The following LYSMD1 variants were observed in gnomAD, a reference collection of about 807,000 sequenced individuals.
LYSMD1 encodes the protein LysM domain containing 1, also known as lysM and putative peptidoglycan-binding domain-containing protein 1.
A neutral mutation model predicts 19.3 loss-of-function variants in LYSMD1; 9 were observed. That is an observed-to-expected ratio of 0.47 (90% confidence interval 0.28 to 0.81). LYSMD1 has a LOEUF of 0.81. LYSMD1 is among the 40% of genes least tolerant of loss of function. The probability of loss-of-function intolerance (pLI) is 0.11; values close to 1 mark genes in which losing one functional copy is unlikely to be tolerated. For missense variants in LYSMD1, 262 were observed against 279.8 expected (o/e 0.94, Z 0.45); for synonymous variants, 111 against 111.7 (o/e 0.99, Z 0.04).
At position 151,161,022 on chromosome 1, in the gene LYSMD1, T is replaced by C; in HGVS notation, c.546-2A>G. The C allele has an allele frequency of 6.2e-7, 1 of 1,613,304 alleles. No homozygotes were observed. Among genetic ancestry groups the C allele is most frequent in the Non-Finnish European group, 8.5e-7 (1 of 1,179,440 alleles). On this transcript the variant is annotated splice_acceptor_variant, in intron 2 of 2. Coordinates refer to ENST00000368908, the MANE Select transcript of LYSMD1 (RefSeq NM_212551.5). LOFTEE classifies it high-confidence loss of function. ...AGACCTGCATCCTCCCCAGGTACCC[T>C]GCAATTGAGGAAAGGGGGGAAAGAG...
At chr1:151,158,428 G>A (rs587664272), downstream of LYSMD1, among the ~76,000 whole-genome samples, 37 of 151,834 alleles carry the variant, frequency 2.4e-4, no homozygotes, top group Admixed American at 1.2e-3. Context: ...CTAGCCTCCC[G>A]TGTGCCCACA....
intron 2 of LYSMD1, 95 bp from the exon 3 acceptor site, chr1:151,161,115 C>T (rs1490541161): frequency 1.4e-6 from 2 of 1,391,600 alleles, no homozygotes; most frequent in African/African-American, 1.4e-5. Context: ...TCTTCTAATA[C>T]ATAAGCTGGT....
Position 151,165,430 on chromosome 1 carries a change from TC to T in LYSMD1, c.-173del. 1 of 1,426,078 alleles carries T rather than the reference TC, an allele frequency of 7.0e-7. No individual in the cohort carries two copies. Among genetic ancestry groups the T allele is most frequent in the Non-Finnish European group, 9.1e-7 (1 of 1,095,154 alleles). The allele number at this position is 1,426,078 out of a possible 1,614,324, so 88.3% of individuals were successfully genotyped here. A position where few individuals can be genotyped will look rare whatever the true frequency, so the allele number is the denominator to read the frequency against. ...CCATCTGCCCCCTCCCGGTTTCTCC[TC>T]CCTCCAAGCTACTTATCCACAAATC... On this transcript the variant is annotated 5_prime_UTR_variant, in exon 1 of 3. Transcript: ENST00000368908.
downstream of LYSMD1, chr1:151,158,983 C>G: frequency 6.2e-7 from 1 of 1,614,288 alleles, no homozygotes; most frequent in South Asian, 1.1e-5. Context: ...GAAGCTGCGG[C>G]AGGGTGCCAT....
chr1:151,158,822 T>C (rs750526286), downstream of LYSMD1: 29 of 1,613,938 alleles, frequency 1.8e-5, no homozygotes, highest in Non-Finnish European at 2.0e-5. Flanking sequence ...CTAGATGAGC[T>C]CTACCGTGTG....
downstream of LYSMD1, among the ~76,000 whole-genome samples, chr1:151,158,470 GGGCT>G (rs1357011516): frequency 6.6e-6 from 1 of 151,940 alleles, no homozygotes. Flanking sequence ...CCACTCCCGT[GGGCT>G]GTTTTGGAGT....
the LYSMD1 span, among the ~76,000 whole-genome samples, chr1:151,154,492 AAG>A: frequency 2.5e-4 from 38 of 150,900 alleles, no homozygotes; most frequent in African/African-American, 5.1e-4. Flanking sequence ...AAAAAAAAGA[AAG>A]AAAGAGAGAG....
At chr1:151,150,014 G>A in the LYSMD1 span, among the ~76,000 whole-genome samples, 1 of 152,064 alleles carries the variant, frequency 6.6e-6, no homozygotes, top group Admixed American at 6.6e-5. Context: ...ATCACCTGTC[G>A]AAGGTTCACC....
At chr1:151,153,955 T>C in the LYSMD1 span, among the ~76,000 whole-genome samples, 2 of 149,870 alleles carry the variant, frequency 1.3e-5, no homozygotes, top group South Asian at 2.1e-4. Context: ...TCTGTCTCAA[T>C]TGAAGAAAAA....
the LYSMD1 span, among the ~76,000 whole-genome samples, chr1:151,154,486 AAAAG>A: frequency 2.8e-4 from 42 of 151,544 alleles, no homozygotes; most frequent in East Asian, 2.5e-3. Context: ...GTCAAAAAAA[AAAAG>A]AAAGAAAGAG....
the LYSMD1 span, among the ~76,000 whole-genome samples, chr1:151,149,788 G>A: frequency 6.6e-6 from 1 of 152,180 alleles, no homozygotes; most frequent in South Asian, 2.1e-4. Flanking sequence ...GATTGGATTG[G>A]AAAAGCACTC....
At chr1:151,149,081 T>C in the LYSMD1 span, among the ~76,000 whole-genome samples, 1 of 152,142 alleles carries the variant, frequency 6.6e-6, no homozygotes, top group East Asian at 1.9e-4. Flanking sequence ...GAGAGCTATT[T>C]TGAAGGACAA....
intron 2 of LYSMD1, among the ~76,000 whole-genome samples, 173 bp downstream of exon 2, chr1:151,161,563 T>C (rs960003222): frequency 1.3e-5 from 2 of 152,038 alleles, no homozygotes; most frequent in Admixed American, 1.3e-4. Context: ...TTCCACTGCC[T>C]CTACCCAGGC....
intron 1 of LYSMD1, among the ~76,000 whole-genome samples, chr1:151,164,262 G>T (rs1683572095): frequency 6.6e-6 from 1 of 152,094 alleles, no homozygotes; most frequent in African/African-American, 2.4e-5. Context: ...TTGTGTCCCT[G>T]TTCATTTCTC....
the LYSMD1 span, among the ~76,000 whole-genome samples, chr1:151,152,418 T>C: frequency 8.0e-6 from 1 of 125,428 alleles, no homozygotes; most frequent in African/African-American, 3.1e-5. Context: ...TAAATAAAAA[T>C]AGGACAGGCA....
In LYSMD1 at chr1:151,165,180, G is replaced by A; in HGVS notation, c.79C>T (p.Leu27=). 1 of 1,614,184 alleles carries A rather than the reference G, an allele frequency of 6.2e-7. No individual in the cohort carries two copies. The highest frequency in any genetic ancestry group is 8.5e-7 in the Non-Finnish European group (1 of 1,180,030). Residue 27 remains leucine, a synonymous_variant, in exon 1 of 3, where the codon CTG becomes TTG. Coordinates refer to ENST00000368908, the MANE Select transcript of LYSMD1 (RefSeq NM_212551.5). ...QGSRARSYGS[L]VQSACSPVRE... The stretch of plus-strand genomic sequence containing the variant: ...ACTGGGGAGCAGGCCGATTGCACCA[G>A]GCTTCCATATGAACGAGCCCGGCTC...
downstream of LYSMD1, chr1:151,159,609 G>A (rs957076099): frequency 2.5e-4 from 64 of 252,878 alleles, no homozygotes; most frequent in African/African-American, 1.4e-3. Flanking sequence ...AACCCCTTTG[G>A]GGATACTAAA....
At chr1:151,153,173 A>G in the LYSMD1 span, among the ~76,000 whole-genome samples, 3 of 152,174 alleles carry the variant, frequency 2.0e-5, no homozygotes, top group African/African-American at 7.2e-5. Context: ...CATTTTGCAA[A>G]TTCAAAAGTG....
Position 151,165,819 on chromosome 1 carries a change from T to C in LYSMD1, c.-561A>G, listed in dbSNP as rs1239358030. Reference sequence around the variant, plus strand: ...CACCCTCAAATTTCGGCTCCACATCTAGGTTGTTGTCCCTCCAAACGCCTC... The same window carrying C: ...CACCCTCAAATTTCGGCTCCACATCCAGGTTGTTGTCCCTCCAAACGCCTC... On this transcript the variant is annotated 5_prime_UTR_variant, in exon 1 of 3. Coordinates refer to ENST00000368908, the MANE Select transcript of LYSMD1 (RefSeq NM_212551.5). 1 of 1,509,660 alleles carries C rather than the reference T, an allele frequency of 6.6e-7. No homozygotes were observed. The highest frequency in any genetic ancestry group is 9.0e-7 in the Non-Finnish European group (1 of 1,108,604). The allele number at this position is 1,509,660 out of a possible 1,614,324, so 93.5% of individuals were successfully genotyped here. A position where few individuals can be genotyped will look rare whatever the true frequency, so the allele number is the denominator to read the frequency against.
Sources: gnomAD v4.1 joint callset for allele counts (sites outside exome capture counted in the v4.1 genomes callset) on GRCh38, gnomAD v4.1.1 for gene constraint, MANE v1.5 for transcripts, NCBI Gene and HGNC (gene_info 2026-07-23, HGNC 2026-07-21) for gene names.